Variants in PLEKHA6 observed in about 807,000 individuals in gnomAD.
PLEKHA6 encodes pleckstrin homology domain containing A6.
PLEKHA6 carries 60 observed loss-of-function variants against 116.7 expected under a neutral mutation model. That is an observed-to-expected ratio of 0.51 (90% CI 0.42 to 0.64). The LOEUF is 0.64. Ranked by LOEUF, PLEKHA6 falls within the 30% of genes least tolerant of loss-of-function variation. PLEKHA6 has a pLI of 0.00. For synonymous variants in PLEKHA6, 489 were observed against 556.1 expected, an observed-to-expected ratio of 0.88 and a Z score of 1.70; for missense variants, 1,338 against 1,422.7, an observed-to-expected ratio of 0.94 and a Z score of 0.96.
intron 1 of PLEKHA6, among the ~76,000 whole-genome samples, chr1:204,291,283 G>A (rs1036649242): frequency 3.9e-5 from 6 of 152,146 alleles, no homozygotes; most frequent in African/African-American, 7.2e-5. Context: ...CCAAGTGCTG[G>A]CAAAAATGTA....
At chr1:204,292,999 C>T (rs566722475) in intron 1 of PLEKHA6, among the ~76,000 whole-genome samples, 1 of 152,300 alleles carries the variant, frequency 6.6e-6, no homozygotes, top group East Asian at 1.9e-4. Context: ...TAACCTTCCT[C>T]CTCCTGGCAT....
intron 1 of PLEKHA6, among the ~76,000 whole-genome samples, chr1:204,350,015 C>T (rs905778841): frequency 2.6e-5 from 4 of 152,184 alleles, no homozygotes; most frequent in African/African-American, 4.8e-5. Flanking sequence ...TCAAAAATTT[C>T]GATGTCTTCC....
intron 10 of PLEKHA6, among the ~76,000 whole-genome samples, chr1:204,249,569 T>C (rs1442696548): frequency 1.3e-5 from 2 of 152,138 alleles, no homozygotes; most frequent in South Asian, 2.1e-4. Context: ...ACTGAGGAGA[T>C]GATATGACCT....
At chr1:204,295,172 T>C (rs1277094306) in intron 1 of PLEKHA6, among the ~76,000 whole-genome samples, 2 of 152,164 alleles carry the variant, frequency 1.3e-5, no homozygotes, top group African/African-American at 4.8e-5. Flanking sequence ...TCAACATTAC[T>C]GGACAGAAAT....
intron 1 of PLEKHA6, among the ~76,000 whole-genome samples, chr1:204,315,672 G>A (rs1347462481): frequency 6.6e-6 from 1 of 152,244 alleles, no homozygotes; most frequent in Non-Finnish European, 1.5e-5. Flanking sequence ...GACAGTGCTA[G>A]AGACTGAGCA....
chr1:204,284,131 C>A (rs1668927384), intron 1 of PLEKHA6, among the ~76,000 whole-genome samples: 1 of 152,232 alleles, frequency 6.6e-6, no homozygotes, highest in Non-Finnish European at 1.5e-5. Context: ...CCCTCCCCTC[C>A]CTACTGGCCA....
intron 5 of PLEKHA6, among the ~76,000 whole-genome samples, chr1:204,266,699 G>A (rs1409450073): frequency 1.3e-5 from 2 of 152,162 alleles, no homozygotes; most frequent in African/African-American, 2.4e-5. Context: ...TCACTGAATT[G>A]CTCCCACGAG....
Position 204,234,983 on chromosome 1 carries a change from T to C in PLEKHA6, c.2410-4397A>G, listed in dbSNP as rs1661780902. ...ATATATATATATATATATATATATA[T>C]ATATATATATATATATATATATATA... On this transcript the variant is annotated intron_variant, in intron 17 of 22. Transcript: ENST00000272203. Among the ~76,000 whole-genome samples, 12 of 16,908 alleles carry C rather than the reference T, an allele frequency of 7.1e-4. 1 individual carries two copies. Among genetic ancestry groups the C allele is most frequent in the African/African-American group, 4.5e-3 (10 of 2,216 alleles). 11.1% of individuals were successfully genotyped at this position (16,908 alleles called of 152,430 possible). A position where few individuals can be genotyped will look rare whatever the true frequency, so the allele number is the denominator to read the frequency against.
At chr1:204,252,586 GC>G (rs1019132482) in intron 9 of PLEKHA6, among the ~76,000 whole-genome samples, 4 of 152,164 alleles carry the variant, frequency 2.6e-5, no homozygotes, top group Admixed American at 1.3e-4. Context: ...GGAGGAAAGA[GC>G]CACATTAGGG....
chr1:204,346,475 T>C (rs957964175), intron 1 of PLEKHA6, among the ~76,000 whole-genome samples: 30 of 152,110 alleles, frequency 2.0e-4, no homozygotes, highest in Non-Finnish European at 3.8e-4. Context: ...GGGGAAGCCA[T>C]GACAAAGTGG....
intron 1 of PLEKHA6, among the ~76,000 whole-genome samples, chr1:204,308,455 A>C (rs1184436950): frequency 6.6e-6 from 1 of 152,106 alleles, no homozygotes; most frequent in Non-Finnish European, 1.5e-5. Context: ...ACCATGCTTT[A>C]ATACAACTAG....
At chr1:204,375,496 C>T (rs1320720589) in intron 1 of PLEKHA6, among the ~76,000 whole-genome samples, 1 of 151,182 alleles carries the variant, frequency 6.6e-6, no homozygotes, top group Non-Finnish European at 1.5e-5. Flanking sequence ...CCCATCTCTC[C>T]CTCCCCTTCA....
chr1:204,280,545 A>T, intron 1 of PLEKHA6: 1 of 793,428 alleles, frequency 1.3e-6, no homozygotes, highest in Non-Finnish European at 1.5e-6. Flanking sequence ...CCCCATCCTG[A>T]GGACGCCTTG....
chr1:204,239,216 T>C (rs1314095756), intron 17 of PLEKHA6, among the ~76,000 whole-genome samples: 2 of 152,196 alleles, frequency 1.3e-5, no homozygotes, highest in Admixed American at 6.5e-5. Flanking sequence ...ATGAAAAAAG[T>C]GGCCATGGTG....
chr1:204,299,128 T>C (rs1400858520), intron 1 of PLEKHA6, among the ~76,000 whole-genome samples: 1 of 152,178 alleles, frequency 6.6e-6, no homozygotes, highest in Non-Finnish European at 1.5e-5. Flanking sequence ...CTTTGAGTAG[T>C]CAGTAACTTG....
intron 1 of PLEKHA6, chr1:204,317,215 C>A: frequency 1.0e-6 from 1 of 975,100 alleles, no homozygotes; most frequent in Non-Finnish European, 1.2e-6. Context: ...TGATAGAATA[C>A]CAATCCAGGC....
chr1:204,244,717 T>C, intron 15 of PLEKHA6, 147 bp downstream of exon 15: 2 of 532,402 alleles, frequency 3.8e-6, no homozygotes, highest in South Asian at 8.0e-5. Context: ...AAATGGGGTG[T>C]GAGAATGACC....
At position 204,346,996 on chromosome 1, in the gene PLEKHA6, C is replaced by A. The variant is rs138268586; in HGVS notation, c.-95+12698G>T. 2,573 of 1,331,260 alleles carry A rather than the reference C, an allele frequency of 1.9e-3. 37 individuals are homozygous for A. The African/African-American group carries it at 0.03, about 16-fold the overall frequency. 82.5% of individuals were successfully genotyped at this position (1,331,260 alleles called of 1,614,324 possible). On this transcript the variant is annotated intron_variant, in intron 1 of 22. Transcript: ENST00000272203. ...AATGTGCTCAATACGCACATTAATT[C>A]TCTTGGCAAGAATCTTGCCTTTAAC...
At chr1:204,254,445 A>AT (rs138649270) in intron 9 of PLEKHA6, among the ~76,000 whole-genome samples, 3,918 of 150,914 alleles carry the variant, frequency 0.026, 123 homozygotes, top group African/African-American at 0.08. Context: ...CTCATTTAAA[A>AT]TTTTTTTTTT....
Sources: gnomAD v4.1 joint callset for allele counts (sites outside exome capture counted in the v4.1 genomes callset) on GRCh38, gnomAD v4.1.1 for gene constraint, MANE v1.5 for transcripts, NCBI Gene and HGNC (gene_info 2026-07-23, HGNC 2026-07-21) for gene names.